L3MBTL4: variants seen among roughly 807,000 people sequenced by gnomAD.
L3MBTL4 encodes the protein L3MBTL histone methyl-lysine binding protein 4.
In L3MBTL4, 70 loss-of-function variants were observed where a neutral mutation model predicts 84.5. The ratio of observed to expected loss-of-function variants is 0.83; its 90% confidence interval spans 0.68 to 1.01. L3MBTL4 has a LOEUF of 1.01. Ranked by LOEUF, L3MBTL4 falls within the 50% of genes least tolerant of loss-of-function variation. L3MBTL4 has a pLI of 0.00. For missense variants in L3MBTL4, 715 were observed against 754.8 expected (o/e 0.95, Z 0.62); for synonymous variants, 274 against 259.8 (o/e 1.05, Z -0.52).
intron 16 of L3MBTL4, among the ~76,000 whole-genome samples, chr18:6,009,492 C>G (rs969624100): frequency 6.6e-6 from 1 of 152,062 alleles, no homozygotes; most frequent in African/African-American, 2.4e-5. Flanking sequence ...TCCTAAAGGC[C>G]AGTTTTAGTA....
At position 6,269,966 on chromosome 18, in the gene L3MBTL4, A is replaced by C. The variant is rs568450156; in HGVS notation, c.128-5928T>G. On this transcript the variant is annotated intron_variant, in intron 4 of 18. Transcript: ENST00000317931. ...AGGATACAACCAGGTATATCTTAAG[A>C]GTGGCCCTTTCCCAATTCCATTAGC... Among the ~76,000 whole-genome samples the C allele has an allele frequency of 2.0e-5, 3 of 152,346 alleles. No individual in the cohort carries two copies. The South Asian group carries it at 6.2e-4, about 32-fold the overall frequency.
Position 6,342,445 on chromosome 18 carries a change from G to T in L3MBTL4, c.-90-30389C>A, listed in dbSNP as rs149363995. 2.6e-5 allele frequency among the ~76,000 whole-genome samples: 4 copies of T among 152,220 alleles called. No individual in the cohort carries two copies. In the South Asian group the frequency reaches 6.2e-4, roughly 24 times the overall value. On this transcript the variant is annotated intron_variant, in intron 1 of 18. Transcript: ENST00000317931. ...TGTGACACCAAAAACATAAAATTTT[G>T]TGGGGTGAAGTAAATGTATTGAGTT... is the stretch of plus-strand genomic sequence containing the variant.
Position 5,969,549 on chromosome 18 carries a change from C to G in L3MBTL4, c.1458G>C (p.Glu486Asp), listed in dbSNP as rs537703926. 1.0e-5 allele frequency: 16 copies of G among 1,605,776 alleles called. 1 individual carries two copies. In the South Asian group the frequency reaches 1.7e-4, roughly 17 times the overall value. ...LDNLFREYSV[E>D]QAQQVLHQSV... is the part of the protein sequence containing the mutation. ...ACTGGTGAAGCACCTGCTGCGCCTG[C>G]TCCACCGAGTATTCTGTAAGAGAGG... The change falls in exon 17 of 19, where the codon GAG (glutamate) becomes GAC (aspartate). Residue 486 changes from glutamate (E) to aspartate (D), a missense_variant. Transcript: ENST00000317931.
Position 6,414,728 on chromosome 18 carries a change from C to A in L3MBTL4, c.-91+73G>T, listed in dbSNP as rs1182409761. 6.6e-6 allele frequency: 1 copy of A among 151,934 alleles called. No homozygotes were observed. The highest frequency in any genetic ancestry group is 1.9e-4 in the East Asian group (1 of 5,172). The allele number at this position is 151,934 out of a possible 1,614,324, so 9.4% of individuals were successfully genotyped here. A position where few individuals can be genotyped will look rare whatever the true frequency, so the allele number is the denominator to read the frequency against. The stretch of plus-strand genomic sequence containing the variant: ...TCTACCTGCCCGGGGATGGGGCCAC[C>A]CCGCGCGGCGGCGGCCGTGGGCACC... On this transcript the variant is annotated intron_variant, in intron 1 of 18. Coordinates refer to ENST00000317931, the MANE Select transcript of L3MBTL4 (RefSeq NM_001330559.2). The surrounding 1 kb of genome is among the most constrained non-coding windows in gnomAD (Gnocchi z 5.4).
At chr18:6,335,293 A>G (rs926435062) in intron 1 of L3MBTL4, among the ~76,000 whole-genome samples, 3 of 151,916 alleles carry the variant, frequency 2.0e-5, no homozygotes, top group Non-Finnish European at 4.4e-5. Flanking sequence ...GTTTCACCAC[A>G]TTGGCCAGGC....
intron 10 of L3MBTL4, among the ~76,000 whole-genome samples, chr18:6,234,115 G>A (rs972003119): frequency 5.3e-5 from 8 of 152,142 alleles, no homozygotes; most frequent in African/African-American, 1.9e-4. Flanking sequence ...CTAGCGACAT[G>A]TAGAAAGCTG....
chr18:6,011,161 T>C (rs1273983320), intron 16 of L3MBTL4, among the ~76,000 whole-genome samples: 1 of 152,186 alleles, frequency 6.6e-6, no homozygotes, highest in Non-Finnish European at 1.5e-5. Context: ...CAAAAGCACA[T>C]CACCAGTAAG....
chr18:6,072,865 CAAA>C (rs71370542), intron 16 of L3MBTL4, among the ~76,000 whole-genome samples: 3 of 3,066 alleles, frequency 9.8e-4, no homozygotes, highest in Non-Finnish European at 1.1e-3. Flanking sequence ...GACTCCGTCT[CAAA>C]AAAAAAAAAA....
chr18:6,024,929 C>T (rs1338654023), intron 16 of L3MBTL4, among the ~76,000 whole-genome samples: 1 of 152,162 alleles, frequency 6.6e-6, no homozygotes, highest in East Asian at 1.9e-4. Context: ...GTTCACTACG[C>T]CTCCTGCATT....
chr18:6,112,166 C>T (rs80251008), intron 14 of L3MBTL4, among the ~76,000 whole-genome samples: 16,699 of 152,186 alleles, frequency 0.11, 1,311 homozygotes, highest in East Asian at 0.33. Context: ...CTACTGCAAA[C>T]GCACACACAC....
At chr18:6,125,754 C>T (rs899740864) in intron 14 of L3MBTL4, among the ~76,000 whole-genome samples, 2 of 152,186 alleles carry the variant, frequency 1.3e-5, no homozygotes, top group African/African-American at 2.4e-5. Flanking sequence ...GTTATATATG[C>T]TTTTCATAAA....
chr18:6,010,012 C>T (rs2145373633), intron 16 of L3MBTL4, among the ~76,000 whole-genome samples: 1 of 104,210 alleles, frequency 9.6e-6, no homozygotes, highest in South Asian at 2.7e-4. Flanking sequence ...ATACTTTAAC[C>T]CTCCATCACC....
At chr18:6,262,784 T>C (rs1023129302) in intron 5 of L3MBTL4, among the ~76,000 whole-genome samples, 3 of 152,134 alleles carry the variant, frequency 2.0e-5, no homozygotes, top group Non-Finnish European at 4.4e-5. Context: ...CAAAAGGACA[T>C]GCATCATTTC....
At chr18:6,150,377 C>T (rs1416072397) in intron 13 of L3MBTL4, among the ~76,000 whole-genome samples, 1 of 152,154 alleles carries the variant, frequency 6.6e-6, no homozygotes, top group East Asian at 1.9e-4. Context: ...GACCAGTAAG[C>T]TGCTTTTGGG....
chr18:6,238,543 A>T (rs1271751787), intron 9 of L3MBTL4, among the ~76,000 whole-genome samples: 1 of 152,156 alleles, frequency 6.6e-6, no homozygotes, highest in Non-Finnish European at 1.5e-5. Context: ...AAAAAAAAAA[A>T]GTATAAAATT....
intron 13 of L3MBTL4, among the ~76,000 whole-genome samples, chr18:6,146,476 G>A (rs1443846964): frequency 6.6e-6 from 1 of 152,174 alleles, no homozygotes; most frequent in Non-Finnish European, 1.5e-5. Flanking sequence ...CGGAGAAGGC[G>A]CTCAGTCCAT....
At chr18:6,413,451 C>G (rs1207301210) in intron 1 of L3MBTL4, among the ~76,000 whole-genome samples, 1 of 152,178 alleles carries the variant, frequency 6.6e-6, no homozygotes, top group Non-Finnish European at 1.5e-5. Context: ...CTCTTTCAAC[C>G]GTTTCTCCTA....
intron 1 of L3MBTL4, among the ~76,000 whole-genome samples, chr18:6,343,992 T>A (rs1599715459): frequency 9.0e-5 from 9 of 99,960 alleles, no homozygotes; most frequent in South Asian, 2.8e-4. Flanking sequence ...TTCAAGGAGC[T>A]AGAGGAAAAA....
intron 1 of L3MBTL4, among the ~76,000 whole-genome samples, chr18:6,413,425 A>C (rs2056052825): frequency 6.6e-6 from 1 of 152,218 alleles, no homozygotes; most frequent in South Asian, 2.1e-4. Context: ...TGGATACTCC[A>C]AGAAAAAAAC....
Sources: gnomAD v4.1 joint callset for allele counts (sites outside exome capture counted in the v4.1 genomes callset) on GRCh38, gnomAD v4.1.1 for gene constraint, Gnocchi (gnomAD v3.1) non-coding constraint, MANE v1.5 for transcripts, NCBI Gene and HGNC (gene_info 2026-07-23, HGNC 2026-07-21) for gene names.